EDIL3: variants seen among roughly 807,000 people sequenced by gnomAD.
EDIL3 encodes EGF-like repeat and discoidin I-like domain-containing protein 3.
In EDIL3, 37 loss-of-function variants were observed where a neutral mutation model predicts 67.4. The observed-to-expected ratio is 0.55, with a 90% CI of 0.42 to 0.72. The LOEUF is 0.72. Among genes scored for constraint, EDIL3 ranks in the 30% least tolerant of loss-of-function variants. EDIL3 has a pLI of 0.00. For missense variants in EDIL3, 527 were observed against 586.3 expected, an observed-to-expected ratio of 0.90 and a Z score of 1.04; for synonymous variants, 195 against 196.3, an observed-to-expected ratio of 0.99 and a Z score of 0.05.
At chr5:83,950,566 C>T (rs986868592) in intron 10 of EDIL3, among the ~76,000 whole-genome samples, 1 of 151,842 alleles carries the variant, frequency 6.6e-6, no homozygotes, top group Non-Finnish European at 1.5e-5. Context: ...CCTCAAAGGA[C>T]AATCCATTGA....
intron 6 of EDIL3, among the ~76,000 whole-genome samples, chr5:84,070,177 T>C (rs1342530415): frequency 6.6e-6 from 1 of 152,126 alleles, no homozygotes; most frequent in African/African-American, 2.4e-5. Context: ...CTTGCACTCA[T>C]TCTCCAAGCC....
At chr5:84,041,553 TATATACATATATA>T (rs1561412189) in intron 9 of EDIL3, among the ~76,000 whole-genome samples, 1 of 147,696 alleles carries the variant, frequency 6.8e-6, no homozygotes, top group Non-Finnish European at 1.5e-5. Flanking sequence ...TGTGCATATA[TATATACATATATA>T]GTATATATAT....
chr5:84,293,931 T>G (rs1745979211), intron 1 of EDIL3, among the ~76,000 whole-genome samples: 1 of 151,988 alleles, frequency 6.6e-6, no homozygotes, highest in Non-Finnish European at 1.5e-5. Flanking sequence ...AATACATATT[T>G]TAGGTTTGTT....
intron 1 of EDIL3, among the ~76,000 whole-genome samples, chr5:84,281,203 C>T (rs1317030): frequency 0.076 from 11,500 of 152,056 alleles, 581 homozygotes; most frequent in South Asian, 0.2. Flanking sequence ...CTATTTCTTA[C>T]CTTTACTGTG....
In EDIL3 at chr5:84,254,242, AT is replaced by A. The variant is rs111238659; in HGVS notation, c.68-31del. On this transcript the variant is annotated intron_variant, in intron 1 of 10. Coordinates refer to ENST00000296591, the MANE Select transcript of EDIL3 (RefSeq NM_005711.5). ...GGCATAAAAAAAAACCGAAATTGAC[AT>A]TTTTTTTTTGTCTTGGACATTGAAA... 3,641 of 1,424,238 alleles carry A rather than the reference AT, an allele frequency of 2.6e-3. 2 individuals are homozygous for A. The highest frequency in any genetic ancestry group is 0.011 in the South Asian group (825 of 74,866). 88.2% of individuals were successfully genotyped at this position (1,424,238 alleles called of 1,614,324 possible).
intron 1 of EDIL3, among the ~76,000 whole-genome samples, chr5:84,277,876 T>C (rs1347179125): frequency 1.3e-5 from 2 of 152,172 alleles, no homozygotes; most frequent in Non-Finnish European, 2.9e-5. Context: ...AATGTAATTA[T>C]TGGAAATTAT....
chr5:84,036,483 A>G (rs1482465328), intron 9 of EDIL3, among the ~76,000 whole-genome samples: 1 of 152,220 alleles, frequency 6.6e-6, no homozygotes, highest in Non-Finnish European at 1.5e-5. Context: ...GGCTTACAAT[A>G]AGTTAGTGAC....
At chr5:84,351,199 A>C (rs901005444) in intron 1 of EDIL3, among the ~76,000 whole-genome samples, 1 of 152,170 alleles carries the variant, frequency 6.6e-6, no homozygotes, top group Non-Finnish European at 1.5e-5. Flanking sequence ...GTATGCTCTT[A>C]TTAGTGCTGT....
At chr5:84,234,955 T>C (rs1185711517) in intron 2 of EDIL3, among the ~76,000 whole-genome samples, 1 of 152,114 alleles carries the variant, frequency 6.6e-6, no homozygotes, top group African/African-American at 2.4e-5. Flanking sequence ...TACCCAGATG[T>C]CAAGTGCTCT....
intron 1 of EDIL3, among the ~76,000 whole-genome samples, chr5:84,277,132 T>C (rs1745597802): frequency 6.6e-6 from 1 of 152,176 alleles, no homozygotes; most frequent in African/African-American, 2.4e-5. Context: ...AACATTTTAA[T>C]TATTGGCTGC....
intron 9 of EDIL3, among the ~76,000 whole-genome samples, chr5:84,007,323 G>T (rs571684605): frequency 4.6e-5 from 7 of 152,054 alleles, no homozygotes; most frequent in Non-Finnish European, 1.0e-4. Context: ...AGCAATCAAC[G>T]AAGTGAAGAG....
chr5:84,151,637 T>C (rs976430110), intron 4 of EDIL3, among the ~76,000 whole-genome samples: 5 of 152,210 alleles, frequency 3.3e-5, no homozygotes, highest in Non-Finnish European at 7.3e-5. Flanking sequence ...ATTAGTATCA[T>C]TGCAAGATTT....
intron 9 of EDIL3, among the ~76,000 whole-genome samples, chr5:84,052,697 CA>C (rs1746364776): frequency 6.6e-6 from 1 of 152,040 alleles, no homozygotes; most frequent in African/African-American, 2.4e-5. Flanking sequence ...CAACAAAGAG[CA>C]AAAGAGACAA....
chr5:84,249,256 A>G (rs1744972777), intron 2 of EDIL3, among the ~76,000 whole-genome samples: 1 of 151,964 alleles, frequency 6.6e-6, no homozygotes, highest in Admixed American at 6.6e-5. Flanking sequence ...TTTTAGATTT[A>G]TGTCTAGATG....
chr5:84,342,472 C>T (rs1040384660), intron 1 of EDIL3, among the ~76,000 whole-genome samples: 1 of 151,912 alleles, frequency 6.6e-6, no homozygotes, highest in African/African-American at 2.4e-5. Flanking sequence ...GTATAATATA[C>T]ATTATTCCAC....
intron 5 of EDIL3, among the ~76,000 whole-genome samples, chr5:84,114,165 T>G (rs1417680988): frequency 3.3e-5 from 5 of 150,794 alleles, no homozygotes; most frequent in Admixed American, 6.6e-5. Flanking sequence ...TTTTTTTTTT[T>G]TTTTTGATGA....
At chr5:84,144,841 T>G (rs1748265489) in intron 4 of EDIL3, among the ~76,000 whole-genome samples, 1 of 151,902 alleles carries the variant, frequency 6.6e-6, no homozygotes, top group African/African-American at 2.4e-5. Context: ...TCTCTCTGGT[T>G]TTAGCAGTCA....
chr5:84,027,493 T>C (rs943488281), intron 9 of EDIL3, among the ~76,000 whole-genome samples: 6 of 152,192 alleles, frequency 3.9e-5, no homozygotes, highest in Non-Finnish European at 7.4e-5. Flanking sequence ...AGGTATAGCA[T>C]AGTTCAAAGA....
chr5:84,029,007 C>T lies in EDIL3; in HGVS notation c.1137+31293G>A, dbSNP rs58025149. On this transcript the variant is annotated intron_variant, in intron 9 of 10. Coordinates refer to ENST00000296591, the MANE Select transcript of EDIL3 (RefSeq NM_005711.5). ...ATGTGGTGGCTCATGCCTGTAATCC[C>T]AGCACTTTGGGAGGCTGAGGCAGGT... Among the ~76,000 whole-genome samples, 1,024 of 152,244 alleles carry T rather than the reference C, an allele frequency of 6.7e-3. 16 individuals carry two copies. The highest frequency in any genetic ancestry group is 0.024 in the African/African-American group (988 of 41,546).
Sources: gnomAD v4.1 joint callset for allele counts (sites outside exome capture counted in the v4.1 genomes callset) on GRCh38, gnomAD v4.1.1 for gene constraint, MANE v1.5 for transcripts, NCBI Gene and HGNC (gene_info 2026-07-23, HGNC 2026-07-21) for gene names.